The following MECOM variants were observed in gnomAD, a reference collection of about 807,000 sequenced individuals.
MECOM encodes the protein histone-lysine N-methyltransferase MECOM.
A neutral mutation model predicts 116.3 loss-of-function variants in MECOM; 13 were observed. That is an observed-to-expected ratio of 0.11 (90% CI 0.07 to 0.18). The LOEUF (loss-of-function observed/expected upper bound fraction) is 0.18. Among genes scored for constraint, MECOM ranks in the 10% least tolerant of loss-of-function variants. The pLI is 1.00. For synonymous variants in MECOM, 528 were observed against 535.2 expected (o/e 0.99, Z 0.19); for missense variants, 1,299 against 1,509.0 (o/e 0.86, Z 2.31).
At chr3:169,463,901 G>T (rs1261252542) in intron 1 of MECOM, 2 of 152,026 alleles carry the variant, frequency 1.3e-5, no homozygotes, top group Non-Finnish European at 2.9e-5. Flanking sequence ...CTAAAAGTAC[G>T]ACTGCAAAAA....
In MECOM at chr3:169,093,559, A is replaced by T. The variant is rs12629185; in HGVS notation, c.3020-457T>A. On this transcript the variant is annotated intron_variant, in intron 13 of 16. Coordinates refer to ENST00000651503, the MANE Select transcript of MECOM (RefSeq NM_004991.4). ...AAGCATATAACAAAATACAGTTTAA[A>T]GGCACACTGAAAATTCTGCATCCTG... 8.7e-4 allele frequency among the ~76,000 whole-genome samples: 132 copies of T among 152,332 alleles called. 2 individuals are homozygous for T. In the East Asian group the frequency reaches 0.023, roughly 27 times the overall value.
intron 1 of MECOM, chr3:169,483,877 C>G: frequency 6.2e-7 from 1 of 1,610,712 alleles, no homozygotes; most frequent in Non-Finnish European, 8.5e-7. Context: ...TCGATGGTCA[C>G]CACCCCTCCA....
At chr3:169,106,364 C>T (rs1725433712) in intron 10 of MECOM, among the ~76,000 whole-genome samples, 1 of 152,038 alleles carries the variant, frequency 6.6e-6, no homozygotes. Context: ...TGTTTTCATA[C>T]AGGCATACAA....
chr3:169,498,392 C>T (rs895702221), intron 1 of MECOM, among the ~76,000 whole-genome samples: 6 of 152,014 alleles, frequency 3.9e-5, no homozygotes, highest in Non-Finnish European at 7.4e-5. Context: ...AAACTCTGTC[C>T]AAAAGCAAGA....
rs1358767356 is a variant in MECOM, at chr3:169,382,879, A to AAAAAAAAAAAAAAAAAAAAAAGAAG, written c.38-1356_38-1355insCTTCTTTTTTTTTTTTTTTTTTTTT. Among the ~76,000 whole-genome samples, 116 of 138,468 alleles carry AAAAAAAAAAAAAAAAAAAAAAGAAG rather than the reference A, an allele frequency of 8.4e-4. 3 individuals carry two copies. Among genetic ancestry groups the AAAAAAAAAAAAAAAAAAAAAAGAAG allele is most frequent in the East Asian group, 1.2e-3 (5 of 4,190 alleles). 90.8% of individuals were successfully genotyped at this position (138,468 alleles called of 152,430 possible). A position where few individuals can be genotyped will look rare whatever the true frequency, so the allele number is the denominator to read the frequency against. ...AAAAAAAAAAATAAAAAAAATAAAA[A>AAAAAAAAAAAAAAAAAAAAAAGAAG]AAGAAGGTAAAATGGGTTGCCTCCA... On this transcript the variant is annotated intron_variant, in intron 1 of 16. Coordinates refer to ENST00000651503, the MANE Select transcript of MECOM (RefSeq NM_004991.4).
chr3:169,102,122 C>A lies in MECOM; in HGVS notation c.2709G>T (p.Arg903Ser). 6.2e-7 allele frequency: 1 copy of A among 1,613,726 alleles called. No individual in the cohort carries two copies. Among genetic ancestry groups the A allele is most frequent in the Non-Finnish European group, 8.5e-7 (1 of 1,179,840 alleles). ...LQSVPSMFNF[R>S]APPNALPENL... ...TCTCTGGCAGGGCATTGGGAGGCGC[C>A]CTGAAGTTGAACATAGAGGGCACTG... Residue 903 changes from arginine to serine, a missense_variant, in exon 11 of 17, where the codon AGG becomes AGT. Coordinates refer to ENST00000651503, the MANE Select transcript of MECOM (RefSeq NM_004991.4).
chr3:169,460,269 T>C (rs1028929433), intron 1 of MECOM, among the ~76,000 whole-genome samples: 26 of 152,232 alleles, frequency 1.7e-4, no homozygotes, highest in African/African-American at 5.8e-4. Context: ...AAATAGTGAA[T>C]GGGCCCTCTC....
chr3:169,459,987 A>C (rs908890436), intron 1 of MECOM, among the ~76,000 whole-genome samples: 10 of 152,050 alleles, frequency 6.6e-5, no homozygotes, highest in African/African-American at 2.2e-4. Flanking sequence ...AATGTTTAAG[A>C]ATAGGTTTTC....
At chr3:169,263,288 T>C (rs1464799332) in intron 2 of MECOM, among the ~76,000 whole-genome samples, 6 of 150,248 alleles carry the variant, frequency 4.0e-5, no homozygotes, top group Admixed American at 6.6e-5. Context: ...GCCACCATGC[T>C]CGGTTAATCT....
At chr3:169,457,347 G>A (rs1021852411) in intron 1 of MECOM, among the ~76,000 whole-genome samples, 7 of 152,100 alleles carry the variant, frequency 4.6e-5, no homozygotes, top group Non-Finnish European at 7.4e-5. Context: ...TTGTTTGGTC[G>A]GGCTCTCTGT....
intron 2 of MECOM, among the ~76,000 whole-genome samples, chr3:169,152,600 G>T (rs1577194718): frequency 6.6e-6 from 1 of 152,162 alleles, no homozygotes; most frequent in Non-Finnish European, 1.5e-5. Context: ...GGTCAGTCTG[G>T]CTTGCCAGGA....
At chr3:169,309,828 C>T (rs1322779442) in intron 2 of MECOM, among the ~76,000 whole-genome samples, 2 of 152,178 alleles carry the variant, frequency 1.3e-5, no homozygotes, top group Admixed American at 6.5e-5. Flanking sequence ...CCACCTTGAG[C>T]CTCAGTTTCC....
At chr3:169,443,307 C>T (rs906677897) in intron 1 of MECOM, among the ~76,000 whole-genome samples, 11 of 152,026 alleles carry the variant, frequency 7.2e-5, no homozygotes, top group Admixed American at 1.3e-4. Context: ...CTCACTCAGT[C>T]ATAAAATATT....
intron 1 of MECOM, among the ~76,000 whole-genome samples, chr3:169,532,305 G>A (rs1276498273): frequency 6.6e-6 from 1 of 152,184 alleles, no homozygotes; most frequent in Non-Finnish European, 1.5e-5. Flanking sequence ...ATCACGCTTT[G>A]AGAACCACCA....
intron 2 of MECOM, among the ~76,000 whole-genome samples, chr3:169,289,325 A>G (rs1477298921): frequency 6.6e-6 from 1 of 152,206 alleles, no homozygotes; most frequent in African/African-American, 2.4e-5. Flanking sequence ...ACTAACCTGT[A>G]ATTATATTGT....
At chr3:169,548,990 T>G (rs945233274) in intron 1 of MECOM, among the ~76,000 whole-genome samples, 2 of 142,030 alleles carry the variant, frequency 1.4e-5, no homozygotes, top group African/African-American at 5.5e-5. Flanking sequence ...TTTTTTTTTT[T>G]TGAGACGAAG....
At chr3:169,274,216 A>G (rs1759316613) in intron 2 of MECOM, among the ~76,000 whole-genome samples, 1 of 151,842 alleles carries the variant, frequency 6.6e-6, no homozygotes, top group South Asian at 2.1e-4. Context: ...CTGGCCTCCA[A>G]AGCTTCCTAA....
intron 2 of MECOM, among the ~76,000 whole-genome samples, chr3:169,363,473 C>T (rs1431019805): frequency 6.6e-6 from 1 of 151,962 alleles, no homozygotes. Flanking sequence ...TGCGCTCTTT[C>T]TGGTGCTGCT....
At chr3:169,334,029 T>C (rs776933633) in intron 2 of MECOM, among the ~76,000 whole-genome samples, 2 of 152,062 alleles carry the variant, frequency 1.3e-5, no homozygotes, top group African/African-American at 2.4e-5. Flanking sequence ...TTCTTTCTTT[T>C]AATAACACTT....
Sources: allele counts gnomAD v4.1 joint callset (sites outside exome capture counted in the v4.1 genomes callset), GRCh38; gene constraint gnomAD v4.1.1; transcripts MANE v1.5; gene names NCBI Gene and HGNC (gene_info 2026-07-23, HGNC 2026-07-21).